Variants in FSHR observed in about 807,000 individuals in gnomAD.
FSHR encodes follicle stimulating hormone receptor.
In FSHR, 46 loss-of-function variants were observed where a neutral mutation model predicts 52.1. That is an observed-to-expected ratio of 0.88 (90% CI 0.70 to 1.13). FSHR has a LOEUF of 1.13. FSHR is among the 50% of genes most tolerant of loss of function. The probability of loss-of-function intolerance (pLI) is 0.00; values close to 1 mark genes in which losing one functional copy is unlikely to be tolerated. For synonymous variants in FSHR, 399 were observed against 309.6 expected, an observed-to-expected ratio of 1.29 and a Z score of -3.03; for missense variants, 964 against 834.6, an observed-to-expected ratio of 1.16 and a Z score of -1.91.
intron 4 of FSHR, among the ~76,000 whole-genome samples, chr2:48,999,075 A>C (rs1037183803): frequency 1.3e-5 from 2 of 152,066 alleles, no homozygotes; most frequent in African/African-American, 4.8e-5. Flanking sequence ...CATCCAGTGC[A>C]TAGGATACTT....
chr2:48,988,899 G>T, intron 6 of FSHR, 78 bp downstream of exon 6: 1 of 1,206,040 alleles, frequency 8.3e-7, no homozygotes, highest in South Asian at 1.3e-5. Flanking sequence ...AACAAAAAAG[G>T]AGCATCCAAT....
Position 49,022,560 on chromosome 2 carries a change from T to C in FSHR, c.225-2400A>G, listed in dbSNP as rs1056371751. 5.9e-5 allele frequency among the ~76,000 whole-genome samples: 9 copies of C among 152,346 alleles called. No individual in the cohort carries two copies. In the South Asian group the frequency reaches 1.9e-3, roughly 32 times the overall value. The stretch of plus-strand genomic sequence containing the variant: ...TTTATCAGCCACTTTACCTACATAC[T>C]CTGTAATCCTTTTGACATGCTTGTG... On this transcript the variant is annotated intron_variant, in intron 2 of 9. Coordinates refer to ENST00000406846, the MANE Select transcript of FSHR (RefSeq NM_000145.4).
At chr2:49,116,623 A>T (rs1558449825) in intron 1 of FSHR, among the ~76,000 whole-genome samples, 1 of 152,222 alleles carries the variant, frequency 6.6e-6, no homozygotes, top group Non-Finnish European at 1.5e-5. Context: ...TGAAGATGTC[A>T]GCTAGAATGT....
At chr2:49,151,663 T>C (rs1473348887) in intron 1 of FSHR, among the ~76,000 whole-genome samples, 1 of 152,128 alleles carries the variant, frequency 6.6e-6, no homozygotes, top group African/African-American at 2.4e-5. Context: ...GATTAAGCAA[T>C]TGCAGTCAAT....
rs188892385 is a variant in FSHR at position 49,025,494 on chromosome 2, T to C, written c.225-5334A>G. ...TTCATATTATATATGTGACATATGT[T>C]GTATACCTTGTGATATTGAAGTGTA... On this transcript the variant is annotated intron_variant, in intron 2 of 9. Coordinates refer to ENST00000406846, the MANE Select transcript of FSHR (RefSeq NM_000145.4). Among the ~76,000 whole-genome samples, 44 of 152,326 alleles carry C rather than the reference T, an allele frequency of 2.9e-4. No homozygotes were observed. In the East Asian group the frequency reaches 8.3e-3, roughly 29 times the overall value.
chr2:49,122,961 T>C (rs747690210), intron 1 of FSHR, among the ~76,000 whole-genome samples: 5 of 152,200 alleles, frequency 3.3e-5, no homozygotes, highest in Admixed American at 6.5e-5. Flanking sequence ...TATCATCCTC[T>C]TCTCCAAGAA....
chr2:49,021,630 T>C (rs908871024), intron 2 of FSHR, among the ~76,000 whole-genome samples: 5 of 151,770 alleles, frequency 3.3e-5, no homozygotes, highest in African/African-American at 1.2e-4. Context: ...GACTGGTGCA[T>C]CTGTGACCAG....
At chr2:49,086,641 T>G (rs1426360064) in intron 1 of FSHR, among the ~76,000 whole-genome samples, 1 of 152,190 alleles carries the variant, frequency 6.6e-6, no homozygotes, top group Non-Finnish European at 1.5e-5. Flanking sequence ...TATTTCTTAT[T>G]TTTTAATTTG....
rs111840622 is a variant in FSHR, at chr2:49,111,237, A to G, written c.153-42947T>C. Among the ~76,000 whole-genome samples the G allele has an allele frequency of 1.0e-3, 157 of 152,258 alleles. 1 individual carries two copies. Among genetic ancestry groups the G allele is most frequent in the Middle Eastern group, 3.4e-3 (1 of 294 alleles). On this transcript the variant is annotated intron_variant, in intron 1 of 9. Transcript: ENST00000406846. ...AAGGGCCATTGTATAACCAGGCATTACTTTATTCCTTCCCAGTAACTGTTC... is the reference window on the plus strand; with the variant it reads ...AAGGGCCATTGTATAACCAGGCATTGCTTTATTCCTTCCCAGTAACTGTTC...
intron 1 of FSHR, among the ~76,000 whole-genome samples, chr2:49,100,285 G>A (rs777157696): frequency 1.8e-4 from 27 of 152,088 alleles, no homozygotes; most frequent in Non-Finnish European, 2.6e-4. Context: ...TTTCCTGCTT[G>A]TAAGTGTGAA....
At chr2:49,011,190 A>G (rs560862780) in intron 4 of FSHR, among the ~76,000 whole-genome samples, 5,525 of 149,886 alleles carry the variant, frequency 0.037, 288 homozygotes, top group African/African-American at 0.12. Flanking sequence ...CCCTCTACAC[A>G]CTGCTTTGAA....
intron 4 of FSHR, among the ~76,000 whole-genome samples, chr2:49,001,796 T>G (rs2104147479): frequency 6.6e-6 from 1 of 152,264 alleles, no homozygotes; most frequent in East Asian, 1.9e-4. Flanking sequence ...TCTCTAGCTG[T>G]GCTGTGTTGG....
chr2:49,018,447 C>A (rs753890177), intron 3 of FSHR, among the ~76,000 whole-genome samples: 4 of 152,154 alleles, frequency 2.6e-5, no homozygotes, highest in Non-Finnish European at 5.9e-5. Context: ...ATCTAAGTAC[C>A]AGGCAATTAA....
intron 9 of FSHR, among the ~76,000 whole-genome samples, chr2:48,967,597 C>T (rs753148363): frequency 1.2e-4 from 19 of 152,172 alleles, no homozygotes; most frequent in Non-Finnish European, 2.6e-4. Flanking sequence ...ATGAAGAGTG[C>T]CCATTCTGGA....
intron 1 of FSHR, among the ~76,000 whole-genome samples, chr2:49,131,469 C>A (rs1462932794): frequency 6.6e-6 from 1 of 152,124 alleles, no homozygotes; most frequent in Non-Finnish European, 1.5e-5. Context: ...TGCTGAAATA[C>A]ATTATTTCTC....
At chr2:49,123,858 G>A (rs11125215) in intron 1 of FSHR, among the ~76,000 whole-genome samples, 37,651 of 151,910 alleles carry the variant, frequency 0.25, 5,007 homozygotes, top group East Asian at 0.47. Context: ...TTCTCTTTGC[G>A]TCTTCACTAG....
chr2:48,995,695 C>T (rs1675994562), intron 4 of FSHR, among the ~76,000 whole-genome samples: 1 of 152,002 alleles, frequency 6.6e-6, no homozygotes, highest in Non-Finnish European at 1.5e-5. Context: ...TTTCACCAGC[C>T]CATCATCTCA....
At chr2:49,022,284 G>GACA (rs1558395697) in intron 2 of FSHR, among the ~76,000 whole-genome samples, 1 of 151,308 alleles carries the variant, frequency 6.6e-6, no homozygotes, top group Non-Finnish European at 1.5e-5. Context: ...GAAATTATTA[G>GACA]AACAAAGTAA....
chr2:49,125,058 G>A (rs1417657028), intron 1 of FSHR, among the ~76,000 whole-genome samples: 1 of 152,152 alleles, frequency 6.6e-6, no homozygotes, highest in South Asian at 2.1e-4. Context: ...GTCATCCCTC[G>A]GATACCCACA....
Sources: gnomAD v4.1 joint callset for allele counts (sites outside exome capture counted in the v4.1 genomes callset) on GRCh38, gnomAD v4.1.1 for gene constraint, MANE v1.5 for transcripts, NCBI Gene and HGNC (gene_info 2026-07-23, HGNC 2026-07-21) for gene names.